The following LRP6 variants were observed in gnomAD, a reference collection of about 807,000 sequenced individuals.
The protein encoded by LRP6 is LDL receptor related protein 6, also known as low-density lipoprotein receptor-related protein 6.
LRP6 carries 43 observed loss-of-function variants against 184.1 expected under a neutral mutation model. The ratio of observed to expected loss-of-function variants is 0.23; its 90% CI spans 0.18 to 0.30. The LOEUF (loss-of-function observed/expected upper bound fraction) is 0.30. Ranked by LOEUF, LRP6 falls within the 10% of genes least tolerant of loss-of-function variation. The probability of loss-of-function intolerance (pLI) is 1.00; values close to 1 mark genes in which losing one functional copy is unlikely to be tolerated. For missense variants in LRP6, 1,571 were observed against 2,005.3 expected (o/e 0.78, Z 4.14); for synonymous variants, 719 against 684.9 (o/e 1.05, Z -0.78).
intron 1 of LRP6, among the ~76,000 whole-genome samples, chr12:12,259,431 T>C (rs1190442501): frequency 1.3e-5 from 2 of 152,122 alleles, no homozygotes; most frequent in African/African-American, 4.8e-5. Flanking sequence ...AGTTCCAAAA[T>C]ATTTAAGCAC....
At chr12:12,237,161 C>G (rs925198228) in intron 2 of LRP6, among the ~76,000 whole-genome samples, 2 of 152,096 alleles carry the variant, frequency 1.3e-5, no homozygotes, top group Admixed American at 6.6e-5. Context: ...GAATCAAAGA[C>G]CAAATATTAG....
chr12:12,155,779 T>G, intron 12 of LRP6: 1 of 891,256 alleles, frequency 1.1e-6, no homozygotes, highest in South Asian at 1.3e-5. Flanking sequence ...ATAATAGGTG[T>G]TAAAAAAATA....
intron 2 of LRP6, among the ~76,000 whole-genome samples, chr12:12,224,218 G>A (rs1864558773): frequency 1.3e-5 from 2 of 152,152 alleles, no homozygotes; most frequent in Admixed American, 6.5e-5. Flanking sequence ...TAAGGTCCAC[G>A]CTTTCTGCTA....
chr12:12,156,340 T>C (rs1299690900), intron 12 of LRP6, among the ~76,000 whole-genome samples: 1 of 152,140 alleles, frequency 6.6e-6, no homozygotes, highest in Non-Finnish European at 1.5e-5. Context: ...CCGGCCTAGC[T>C]GAAACCAGCA....
Position 12,149,115 on chromosome 12 carries a change from G to A in LRP6, c.3033C>T (p.Asn1011=). The change falls in exon 14 of 23, where the codon AAC becomes AAT. Residue 1011 remains asparagine (N), a synonymous_variant. Coordinates refer to ENST00000261349, the MANE Select transcript of LRP6 (RefSeq NM_002336.3). ...TVVVSSVPSQ[N]LEIQPYDLSI... is the part of the protein sequence containing the mutation. Reference sequence around the variant, plus strand: ...TGAGGTCATAGGGTTGTATTTCCAGGTTCTGACTCGGAACTGAGCTCACAA... The same window carrying A: ...TGAGGTCATAGGGTTGTATTTCCAGATTCTGACTCGGAACTGAGCTCACAA... The A allele has an allele frequency of 6.2e-7, 1 of 1,613,956 alleles. No individual in the cohort carries two copies. Among genetic ancestry groups the A allele is most frequent in the Non-Finnish European group, 8.5e-7 (1 of 1,179,992 alleles).
At chr12:12,204,497 T>C (rs1591944858) in intron 2 of LRP6, among the ~76,000 whole-genome samples, 2 of 152,286 alleles carry the variant, frequency 1.3e-5, no homozygotes, top group East Asian at 1.9e-4. Flanking sequence ...AATTGTATTG[T>C]AGTTAGGATA....
chr12:12,226,434 G>A (rs1414101289), intron 2 of LRP6, among the ~76,000 whole-genome samples: 8 of 152,112 alleles, frequency 5.3e-5, no homozygotes, highest in East Asian at 1.9e-4. Flanking sequence ...GGATGCTAAC[G>A]GGAAAAAACA....
chr12:12,199,634 C>A (rs1863860141), intron 3 of LRP6, among the ~76,000 whole-genome samples: 1 of 151,968 alleles, frequency 6.6e-6, no homozygotes, highest in Non-Finnish European at 1.5e-5. Flanking sequence ...GAATTCTTTG[C>A]CAGGTACTTT....
chr12:12,143,429 T>A (rs755011125), intron 15 of LRP6, among the ~76,000 whole-genome samples: 1 of 152,180 alleles, frequency 6.6e-6, no homozygotes, highest in Non-Finnish European at 1.5e-5. Context: ...ACAATGTACA[T>A]GGAAATTGCG....
At chr12:12,128,427 T>C (rs1259212583) in intron 19 of LRP6, among the ~76,000 whole-genome samples, 6 of 152,236 alleles carry the variant, frequency 3.9e-5, no homozygotes, top group Non-Finnish European at 8.8e-5. Flanking sequence ...TTCTATCTAC[T>C]GTCACAGCTT....
chr12:12,212,740 CAT>C (rs1864244788), intron 2 of LRP6, among the ~76,000 whole-genome samples: 1 of 152,134 alleles, frequency 6.6e-6, no homozygotes, highest in Non-Finnish European at 1.5e-5. Flanking sequence ...TAAATGGTCT[CAT>C]AGAGAGAATT....
At chr12:12,140,223 T>C (rs1376623057) in intron 15 of LRP6, among the ~76,000 whole-genome samples, 1 of 147,202 alleles carries the variant, frequency 6.8e-6, no homozygotes, top group Non-Finnish European at 1.5e-5. Flanking sequence ...ACCTAAAGAA[T>C]AGGCTGTCTT....
intron 2 of LRP6, among the ~76,000 whole-genome samples, chr12:12,205,541 G>A (rs187269659): frequency 6.6e-6 from 1 of 152,156 alleles, no homozygotes; most frequent in Admixed American, 6.5e-5. Flanking sequence ...ATGATGAGGA[G>A]AATATCATGT....
At chr12:12,249,301 A>G (rs144622728) in intron 1 of LRP6, 19 of 1,134,074 alleles carry the variant, frequency 1.7e-5, no homozygotes, top group African/African-American at 1.2e-4. Flanking sequence ...CCCAAGAGCC[A>G]TATCAGTGCT....
intron 1 of LRP6, among the ~76,000 whole-genome samples, chr12:12,250,236 A>G (rs1865292910): frequency 6.6e-6 from 1 of 152,210 alleles, no homozygotes; most frequent in African/African-American, 2.4e-5. Flanking sequence ...ACTTCTACCT[A>G]GGACTCTAAA....
Position 12,118,607 on chromosome 12 carries a change from T to C in LRP6, c.*2519A>G, listed in dbSNP as rs1315897658. On this transcript the variant is annotated 3_prime_UTR_variant, in exon 23 of 23. Coordinates refer to ENST00000261349, the MANE Select transcript of LRP6 (RefSeq NM_002336.3). ...TTTTCCAATTACAGCTTGTGTTTGA[T>C]AATCAATATACAGTTTACTTAAGCT... 2 of 152,334 alleles carry C rather than the reference T, an allele frequency of 1.3e-5. No individual in the cohort carries two copies. Among genetic ancestry groups the C allele is most frequent in the East Asian group, 3.9e-4 (2 of 5,194 alleles). 9.4% of individuals were successfully genotyped at this position (152,334 alleles called of 1,614,324 possible).
chr12:12,124,496 A>T lies in LRP6; in HGVS notation c.4547+69T>A, dbSNP rs112046270. The T allele has an allele frequency of 3.7e-6, 4 of 1,079,842 alleles. No homozygotes were observed. The African/African-American group carries it at 6.2e-5, about 17-fold the overall frequency. 66.9% of individuals were successfully genotyped at this position (1,079,842 alleles called of 1,614,324 possible). A position where few individuals can be genotyped will look rare whatever the true frequency, so the allele number is the denominator to read the frequency against. ...GACCATCGTCTACTCATTTGGGGCT[A>T]TATCAGGTCCACAACTGAAACACTT... On this transcript the variant is annotated intron_variant, in intron 22 of 22. Transcript: ENST00000261349.
chr12:12,132,424 T>C (rs1949772745), intron 17 of LRP6, among the ~76,000 whole-genome samples: 1 of 152,198 alleles, frequency 6.6e-6, no homozygotes, highest in Non-Finnish European at 1.5e-5. Context: ...AGCTCTAAGC[T>C]TCTCAAAGGA....
chr12:12,149,950 A>G (rs11054710), intron 13 of LRP6, among the ~76,000 whole-genome samples: 11,437 of 152,194 alleles, frequency 0.075, 513 homozygotes, highest in Admixed American at 0.11. Flanking sequence ...GTGTGTCTGG[A>G]ATACACAGCT....
Sources: gnomAD v4.1 joint callset for allele counts (sites outside exome capture counted in the v4.1 genomes callset) on GRCh38, gnomAD v4.1.1 for gene constraint, MANE v1.5 for transcripts, NCBI Gene and HGNC (gene_info 2026-07-23, HGNC 2026-07-21) for gene names.